CADM2: variants seen among roughly 807,000 people sequenced by gnomAD.
CADM2 encodes the protein cell adhesion molecule 2, also known as immunoglobulin superfamily member 4D.
Under a neutral mutation model 49.8 loss-of-function variants are expected in CADM2, and 12 were observed. That is an observed-to-expected ratio of 0.24 (90% CI 0.15 to 0.39). The LOEUF (loss-of-function observed/expected upper bound fraction) is 0.39, where lower values mean the gene tolerates loss of function less well. Ranked by LOEUF, CADM2 falls within the 10% of genes least tolerant of loss-of-function variation. CADM2 has a pLI of 1.00. For synonymous variants in CADM2, 214 were observed against 175.4 expected (o/e 1.22, Z -1.74); for missense variants, 378 against 492.3 (o/e 0.77, Z 2.20).
At chr3:86,006,225 G>A (rs1730772943) in intron 8 of CADM2, among the ~76,000 whole-genome samples, 1 of 152,128 alleles carries the variant, frequency 6.6e-6, no homozygotes, top group Non-Finnish European at 1.5e-5. Flanking sequence ...ATTTTTATAA[G>A]CAGTATTTTT....
chr3:85,892,596 T>G (rs1714611755), intron 5 of CADM2, among the ~76,000 whole-genome samples: 1 of 152,178 alleles, frequency 6.6e-6, no homozygotes, highest in African/African-American at 2.4e-5. Context: ...CCATGTAAGA[T>G]GTGCCTTTGC....
chr3:85,558,965 A>G lies in CADM2; in HGVS notation c.62-167557A>G, dbSNP rs76782565. Among the ~76,000 whole-genome samples the G allele has an allele frequency of 2.9e-3, 438 of 152,222 alleles. 4 individuals are homozygous for G. Among genetic ancestry groups the G allele is most frequent in the African/African-American group, 9.9e-3 (410 of 41,572 alleles). On this transcript the variant is annotated intron_variant, in intron 1 of 9. Transcript: ENST00000383699. ...CAAGCCAAACCCATTTGTAAAGGCC[A>G]AGGAAAAGACTGATTACGTATGCAT...
At chr3:85,569,864 T>G (rs2107236455) in intron 1 of CADM2, among the ~76,000 whole-genome samples, 1 of 152,250 alleles carries the variant, frequency 6.6e-6, no homozygotes, top group Admixed American at 6.5e-5. Context: ...CTTATAATAG[T>G]CTTGTAAATA....
At chr3:86,017,266 C>T (rs1380324376) in intron 8 of CADM2, among the ~76,000 whole-genome samples, 2 of 151,178 alleles carry the variant, frequency 1.3e-5, no homozygotes, top group South Asian at 2.1e-4. Flanking sequence ...AAATATATCC[C>T]TTTGAGTCCT....
At chr3:85,851,788 C>T (rs1175038889) in intron 3 of CADM2, among the ~76,000 whole-genome samples, 1 of 151,626 alleles carries the variant, frequency 6.6e-6, no homozygotes, top group African/African-American at 2.4e-5. Flanking sequence ...GAAGTAGAAT[C>T]TATAGATCTA....
chr3:85,032,257 A>G (rs1040708771), intron 1 of CADM2, among the ~76,000 whole-genome samples: 1 of 151,760 alleles, frequency 6.6e-6, no homozygotes, highest in African/African-American at 2.4e-5. Flanking sequence ...GGAAAGGATG[A>G]CCTGGAAACA....
intron 7 of CADM2, among the ~76,000 whole-genome samples, chr3:85,943,473 A>C (rs1215989968): frequency 6.7e-6 from 1 of 149,622 alleles, no homozygotes; most frequent in Non-Finnish European, 1.5e-5. Flanking sequence ...TTTTAGGTCT[A>C]ACGTTTAAGT....
chr3:85,784,855 A>G lies in CADM2; in HGVS notation c.89-17192A>G, dbSNP rs76105823. 3.2e-3 allele frequency among the ~76,000 whole-genome samples: 480 copies of G among 152,288 alleles called. 1 individual carries two copies. The highest frequency in any genetic ancestry group is 0.011 in the African/African-American group (461 of 41,572). The stretch of plus-strand genomic sequence containing the variant: ...TTGATTTTTTTGAAACAGTTTAAAT[A>G]GAATTGGCATTAGTTCTTTAAATAT... On this transcript the variant is annotated intron_variant, in intron 2 of 9. Transcript: ENST00000383699.
chr3:85,927,154 A>G (rs965517910), intron 6 of CADM2, among the ~76,000 whole-genome samples: 2 of 152,220 alleles, frequency 1.3e-5, no homozygotes, highest in African/African-American at 4.8e-5. Flanking sequence ...AATGTTTACT[A>G]TTATTAGAAG....
At chr3:85,010,074 T>C (rs1357594355) in intron 1 of CADM2, among the ~76,000 whole-genome samples, 2 of 152,044 alleles carry the variant, frequency 1.3e-5, no homozygotes, top group Non-Finnish European at 2.9e-5. Context: ...TATTCATGAA[T>C]AGAGAATACC....
At chr3:85,695,561 T>C (rs1020336979) in intron 1 of CADM2, among the ~76,000 whole-genome samples, 1 of 151,840 alleles carries the variant, frequency 6.6e-6, no homozygotes, top group Non-Finnish European at 1.5e-5. Context: ...TATTCATATA[T>C]ATATATACAC....
chr3:85,253,698 G>A (rs1396682407), intron 1 of CADM2, among the ~76,000 whole-genome samples: 1 of 152,040 alleles, frequency 6.6e-6, no homozygotes, highest in East Asian at 1.9e-4. Flanking sequence ...CTCAAGCTGA[G>A]CTGAATTTAC....
chr3:85,797,921 G>T (rs1297678546), intron 2 of CADM2, among the ~76,000 whole-genome samples: 2 of 152,156 alleles, frequency 1.3e-5, no homozygotes, highest in Non-Finnish European at 2.9e-5. Context: ...TCCAGCATCT[G>T]TTGTTTCCTG....
chr3:85,979,494 C>G (rs1258047143), intron 8 of CADM2, among the ~76,000 whole-genome samples: 1 of 151,462 alleles, frequency 6.6e-6, no homozygotes, highest in Non-Finnish European at 1.5e-5. Context: ...AGACTATTAT[C>G]AAAATCTTGC....
intron 1 of CADM2, among the ~76,000 whole-genome samples, chr3:85,202,149 G>A (rs183725503): frequency 2.7e-4 from 40 of 149,556 alleles, no homozygotes; most frequent in African/African-American, 9.6e-4. Context: ...CAGCAATTCA[G>A]TCACATCTTC....
intron 3 of CADM2, among the ~76,000 whole-genome samples, chr3:85,813,206 C>T (rs2072994463): frequency 6.6e-6 from 1 of 152,210 alleles, no homozygotes; most frequent in Non-Finnish European, 1.5e-5. Context: ...TCCTCTCCAG[C>T]ATCTGTTGTT....
chr3:85,546,058 C>T (rs1444646519), intron 1 of CADM2, among the ~76,000 whole-genome samples: 2 of 152,048 alleles, frequency 1.3e-5, no homozygotes, highest in East Asian at 1.9e-4. Flanking sequence ...TATACCTGAC[C>T]ATGGCAGCTC....
intron 1 of CADM2, among the ~76,000 whole-genome samples, chr3:85,620,981 T>A (rs1347027508): frequency 1.3e-5 from 2 of 152,152 alleles, no homozygotes; most frequent in Non-Finnish European, 2.9e-5. Context: ...GACTTCCACT[T>A]TTAATTAAGT....
At chr3:85,130,490 C>T (rs147945585) in intron 1 of CADM2, among the ~76,000 whole-genome samples, 14 of 152,180 alleles carry the variant, frequency 9.2e-5, no homozygotes, top group African/African-American at 3.4e-4. Context: ...AAGGTCAGTC[C>T]TTAAGTAACA....
Sources: gnomAD v4.1 joint callset for allele counts (sites outside exome capture counted in the v4.1 genomes callset) on GRCh38, gnomAD v4.1.1 for gene constraint, MANE v1.5 for transcripts, NCBI Gene and HGNC (gene_info 2026-07-23, HGNC 2026-07-21) for gene names.